Variants in DNAH14 observed in about 807,000 individuals in gnomAD.
The protein encoded by DNAH14 is dynein axonemal heavy chain 14.
Under a neutral mutation model 520.9 loss-of-function variants are expected in DNAH14, and 478 were observed. That is an observed-to-expected ratio of 0.92 (90% confidence interval 0.85 to 0.99). The LOEUF is 0.99. Ranked by LOEUF, DNAH14 falls within the 50% of genes least tolerant of loss-of-function variation. The probability of loss-of-function intolerance (pLI) is 0.00; values close to 1 mark genes in which losing one functional copy is unlikely to be tolerated. For missense variants in DNAH14, 4,831 were observed against 5,234.5 expected (o/e 0.92, Z 2.38); for synonymous variants, 1,581 against 1,757.2 (o/e 0.90, Z 2.51).
intron 84 of DNAH14, among the ~76,000 whole-genome samples, chr1:225,393,266 T>C (rs2095945343): frequency 6.6e-6 from 1 of 152,164 alleles, no homozygotes; most frequent in Admixed American, 6.5e-5. Flanking sequence ...AATAAATAAG[T>C]ACAATCATGT....
At chr1:224,992,308 C>G (rs2063114358) in intron 8 of DNAH14, among the ~76,000 whole-genome samples, 1 of 152,150 alleles carries the variant, frequency 6.6e-6, no homozygotes, top group African/African-American at 2.4e-5. Context: ...TGCATTGAAT[C>G]TGTAAACATT....
At chr1:225,389,971 C>A in intron 83 of DNAH14, 98 bp downstream of exon 83, 1 of 1,125,226 alleles carries the variant, frequency 8.9e-7, no homozygotes, top group Non-Finnish European at 1.3e-6. Context: ...TTTAGGATGA[C>A]AACACCTGCG....
chr1:225,085,425 G>A, intron 20 of DNAH14, 119 bp from the exon 21 acceptor site: 1 of 915,168 alleles, frequency 1.1e-6, no homozygotes, highest in South Asian at 1.8e-5. Flanking sequence ...AACCTAACTG[G>A]AATTAGATCT....
intron 17 of DNAH14, among the ~76,000 whole-genome samples, chr1:225,060,263 T>C (rs2069842868): frequency 6.6e-6 from 1 of 152,204 alleles, no homozygotes; most frequent in African/African-American, 2.4e-5. Context: ...TTGCATTCAT[T>C]TGATCTTCCA....
intron 61 of DNAH14, among the ~76,000 whole-genome samples, chr1:225,322,085 C>CTTTTTTTTTT (rs3047035): frequency 2.4e-4 from 22 of 90,170 alleles, no homozygotes; most frequent in Non-Finnish European, 3.5e-4. Flanking sequence ...TTTTTTCTTT[C>CTTTTTTTTTT]TTTTTTTTTT....
chr1:224,960,231 G>A lies in DNAH14; in HGVS notation c.296G>A (p.Arg99Lys). ...PASLKEKGKS[R>K]RKKDQTHACP... ...TCCCTTAAGGAGAAAGGGAAGTCAA[G>A]GAGAAAAAAGGATCAAACTCATGCT... The change falls in exon 4 of 86, where the codon AGG becomes AAG. Residue 99 changes from arginine (R) to lysine (K), a missense_variant. By Grantham distance (26) the Arg-to-Lys change is conservative. Transcript: ENST00000682510. The A allele has an allele frequency of 6.2e-7, 1 of 1,611,284 alleles. No individual in the cohort carries two copies. The highest frequency in any genetic ancestry group is 2.2e-5 in the East Asian group (1 of 44,760).
At chr1:225,152,648 A>T (rs2080609901) in intron 32 of DNAH14, 49 bp from the exon 33 acceptor site, 5 of 1,463,102 alleles carry the variant, frequency 3.4e-6, no homozygotes, top group Non-Finnish European at 4.5e-6. Flanking sequence ...CCTTATTTGA[A>T]AAATTGAGAA....
intron 66 of DNAH14, among the ~76,000 whole-genome samples, chr1:225,334,334 T>TA (rs1176439992): frequency 6.6e-6 from 1 of 151,876 alleles, no homozygotes; most frequent in East Asian, 1.9e-4. Context: ...AAAAAAAAAT[T>TA]AAAAAATTAC....
chr1:224,979,291 G>T (rs2062089094), intron 8 of DNAH14, among the ~76,000 whole-genome samples: 1 of 152,214 alleles, frequency 6.6e-6, no homozygotes, highest in Non-Finnish European at 1.5e-5. Flanking sequence ...GGCAGTGGCT[G>T]TGTGGTGTGG....
Position 225,252,435 on chromosome 1 carries a change from A to G in DNAH14, c.6865+18A>G. On this transcript the variant is annotated intron_variant, in intron 44 of 85. Transcript: ENST00000682510. The stretch of plus-strand genomic sequence containing the variant: ...TCAAAGAGGTAAGAATAATTATAAG[A>G]ATCATACTTGTAACGTTAGAATATT... 7.6e-7 allele frequency: 1 copy of G among 1,323,206 alleles called. No individual in the cohort carries two copies. Among genetic ancestry groups the G allele is most frequent in the Non-Finnish European group, 1.1e-6 (1 of 942,802 alleles). 82.0% of individuals were successfully genotyped at this position (1,323,206 alleles called of 1,614,324 possible). A position where few individuals can be genotyped will look rare whatever the true frequency, so the allele number is the denominator to read the frequency against.
At chr1:225,327,362 C>T (rs1398140789) in intron 64 of DNAH14, among the ~76,000 whole-genome samples, 1 of 151,904 alleles carries the variant, frequency 6.6e-6, no homozygotes, top group Non-Finnish European at 1.5e-5. Flanking sequence ...GGGGTTTCAC[C>T]GTGTTAGCCA....
At position 225,333,470 on chromosome 1, in the gene DNAH14, A is replaced by T; in HGVS notation, c.10044A>T (p.Lys3348Asn). 1 of 1,551,142 alleles carries T rather than the reference A, an allele frequency of 6.4e-7. No homozygotes were observed. Among genetic ancestry groups the T allele is most frequent in the South Asian group, 1.2e-5 (1 of 84,036 alleles). ...AAAATGGCATTTCTTTGTCTTCCAA[A>T]TTCTCTTTAATTAAAGTTATGGCAC... The part of the protein sequence containing the change: ...CIENGISLSS[K>N]FSLIKVMAQK... Residue 3348 changes from lysine (K) to asparagine (N), a missense_variant, in exon 66 of 86, where the codon AAA becomes AAT. By Grantham distance (94) the Lys-to-Asn change is moderately conservative. Coordinates refer to ENST00000682510, the MANE Select transcript of DNAH14 (RefSeq NM_001367479.1).
intron 8 of DNAH14, 25 bp downstream of exon 8, chr1:224,974,178 A>C (rs2061665499): frequency 1.4e-6 from 2 of 1,410,894 alleles, no homozygotes; most frequent in African/African-American, 1.5e-5. Context: ...GCAATATATA[A>C]AAATTTCAAA....
intron 66 of DNAH14, among the ~76,000 whole-genome samples, chr1:225,336,084 C>T (rs547209285): frequency 1.1e-3 from 140 of 121,858 alleles, no homozygotes; most frequent in African/African-American, 5.0e-3. Context: ...CTTATATATA[C>T]ATATATGCTT....
chr1:225,367,199 C>G (rs981587346), intron 76 of DNAH14, among the ~76,000 whole-genome samples: 1 of 152,106 alleles, frequency 6.6e-6, no homozygotes, highest in Non-Finnish European at 1.5e-5. Flanking sequence ...GCCACACTCT[C>G]AAAAAAGCCC....
In DNAH14 at chr1:225,192,751, C is replaced by T. The variant is rs570944923; in HGVS notation, c.5726C>T (p.Thr1909Ile). ...DICVLNPKCV[T>I]LSELYGQLDP... is the part of the protein sequence containing the mutation. ...TGTGTTTTAAATCCAAAGTGTGTCA[C>T]TCTCAGTGAACTATATGGACAACTG... The change falls in exon 38 of 86, where the codon ACT (threonine) becomes ATT (isoleucine). Residue 1909 changes from threonine to isoleucine, a missense_variant. By Grantham distance (89) the Thr-to-Ile change is moderately conservative. Coordinates refer to ENST00000682510, the MANE Select transcript of DNAH14 (RefSeq NM_001367479.1). The T allele has an allele frequency of 1.4e-5, 22 of 1,550,002 alleles. No homozygotes were observed. The highest frequency in any genetic ancestry group is 2.0e-5 in the Admixed American group (1 of 50,936).
intron 44 of DNAH14, among the ~76,000 whole-genome samples, chr1:225,252,725 A>G (rs1388078920): frequency 6.6e-6 from 1 of 152,190 alleles, no homozygotes; most frequent in African/African-American, 2.4e-5. Flanking sequence ...AATTATTGGG[A>G]CAAGAAAATG....
chr1:225,324,320 T>G lies in DNAH14; in HGVS notation c.9594T>G (p.Val3198=). 1 of 1,551,952 alleles carries G rather than the reference T, an allele frequency of 6.4e-7. No individual in the cohort carries two copies. The highest frequency in any genetic ancestry group is 8.7e-7 in the Non-Finnish European group (1 of 1,147,040). ...CTTGTTGCTCCCTGTGCCAGTGGGT[T>G]ATAGCTTTGAATAACTACCATGAAG... is the stretch of plus-strand genomic sequence containing the variant. The part of the protein sequence containing the change: ...SVACCSLCQW[V]IALNNYHEVQ... Residue 3198 remains valine (V), a synonymous_variant, in exon 63 of 86, where the codon GTT becomes GTG. Coordinates refer to ENST00000682510, the MANE Select transcript of DNAH14 (RefSeq NM_001367479.1).
intron 56 of DNAH14, among the ~76,000 whole-genome samples, chr1:225,301,503 T>A (rs1040613762): frequency 2.3e-4 from 35 of 152,174 alleles, no homozygotes; most frequent in Non-Finnish European, 4.7e-4. Flanking sequence ...CTATTCAGAA[T>A]GAACTCAGCA....
Sources: allele counts gnomAD v4.1 joint callset (sites outside exome capture counted in the v4.1 genomes callset), GRCh38; gene constraint gnomAD v4.1.1; transcripts MANE v1.5; gene names NCBI Gene and HGNC (gene_info 2026-07-23, HGNC 2026-07-21).